The following TBCK variants were observed in gnomAD, a reference collection of about 807,000 sequenced individuals.
TBCK encodes TBC domain-containing protein kinase-like protein.
A neutral mutation model predicts 113.4 loss-of-function variants in TBCK; 99 were observed. The ratio of observed to expected loss-of-function variants is 0.87; its 90% confidence interval spans 0.74 to 1.03. The LOEUF is 1.03. Ranked by LOEUF, TBCK falls within the 50% of genes least tolerant of loss-of-function variation. TBCK has a pLI of 0.00. For synonymous variants in TBCK, 369 were observed against 370.8 expected, an observed-to-expected ratio of 1.00 and a Z score of 0.05; for missense variants, 1,045 against 1,061.3, an observed-to-expected ratio of 0.98 and a Z score of 0.21.
chr4:106,231,857 C>A (rs1758892422), intron 17 of TBCK, 78 bp from the exon 18 acceptor site: 6 of 1,231,722 alleles, frequency 4.9e-6, no homozygotes, highest in South Asian at 2.6e-5. Flanking sequence ...TTATTCAATT[C>A]TTTGCATTAC....
At chr4:106,088,462 A>T (rs1255382337) in intron 25 of TBCK, among the ~76,000 whole-genome samples, 2 of 152,212 alleles carry the variant, frequency 1.3e-5, no homozygotes, top group African/African-American at 2.4e-5. Context: ...ATGCTGCTGA[A>T]GGTGTGGAGA....
At chr4:106,131,763 G>T (rs977137924) in intron 23 of TBCK, among the ~76,000 whole-genome samples, 4 of 152,176 alleles carry the variant, frequency 2.6e-5, no homozygotes, top group African/African-American at 9.7e-5. Flanking sequence ...ATGGAAAAAG[G>T]TGGGAAAGTT....
At chr4:106,050,369 T>C (rs181228835) in intron 25 of TBCK, among the ~76,000 whole-genome samples, 2 of 151,972 alleles carry the variant, frequency 1.3e-5, no homozygotes, top group African/African-American at 2.4e-5. Flanking sequence ...AGAACACTAA[T>C]ACCCAATGCC....
chr4:106,077,469 G>C (rs1560612405), intron 25 of TBCK, among the ~76,000 whole-genome samples: 1 of 152,294 alleles, frequency 6.6e-6, no homozygotes, highest in East Asian at 1.9e-4. Flanking sequence ...AAGGAATGGA[G>C]AAAGATTGAT....
chr4:106,308,812 T>C lies in TBCK; in HGVS notation c.149A>G (p.His50Arg), dbSNP rs1767835847. ...ATCCACATACTGGCAGAGTCTGGGA[T>C]GGGTGATGGTTTTAAGGATTTGAAA... ...GRFQILKTIT[H>R]PRLCQYVDIS... The change falls in exon 2 of 26, where the codon CAT becomes CGT. Residue 50 changes from histidine to arginine, a missense_variant. Coordinates refer to ENST00000394708, the MANE Select transcript of TBCK (RefSeq NM_001163435.3). 6.2e-7 allele frequency: 1 copy of C among 1,614,110 alleles called. No individual in the cohort carries two copies. Among genetic ancestry groups the C allele is most frequent in the Non-Finnish European group, 8.5e-7 (1 of 1,180,006 alleles).
intron 20 of TBCK, among the ~76,000 whole-genome samples, chr4:106,209,071 C>T (rs1755843438): frequency 6.6e-6 from 1 of 152,128 alleles, no homozygotes; most frequent in Admixed American, 6.5e-5. Context: ...GGGCAATGCC[C>T]ACCATGAAGA....
intron 23 of TBCK, among the ~76,000 whole-genome samples, chr4:106,139,519 C>T (rs1281216795): frequency 7.1e-6 from 1 of 141,408 alleles, no homozygotes; most frequent in Admixed American, 7.0e-5. Context: ...TTTTAACACA[C>T]CACAAATCAT....
chr4:106,262,043 G>C, intron 4 of TBCK, 55 bp downstream of exon 4: 1 of 1,015,462 alleles, frequency 9.8e-7, no homozygotes, highest in Non-Finnish European at 1.4e-6. Context: ...CCTGATCCCA[G>C]TTGCTTCCAA....
At chr4:106,281,095 A>G (rs1242431373) in intron 3 of TBCK, among the ~76,000 whole-genome samples, 1 of 151,956 alleles carries the variant, frequency 6.6e-6, no homozygotes, top group African/African-American at 2.4e-5. Context: ...TCTTTATTTC[A>G]TCAGTGTTTT....
At chr4:106,171,402 T>TAAA in intron 22 of TBCK, 132 bp from the exon 23 acceptor site, 5 of 607,746 alleles carry the variant, frequency 8.2e-6, no homozygotes, top group South Asian at 2.5e-5. Flanking sequence ...AAAATGTCAG[T>TAAA]AAAAAAAACA....
In TBCK at chr4:106,193,779, C is replaced by A. The variant is rs1005744488; in HGVS notation, c.1898-9G>T. On this transcript the variant is annotated splice_polypyrimidine_tract_variant and intron_variant, in intron 21 of 25. Coordinates refer to ENST00000394708, the MANE Select transcript of TBCK (RefSeq NM_001163435.3). ...GTGTAGTGGAAATACATCTGTAAAA[C>A]GATAAAAATACAAATAAATTAAAAA... 6 of 1,509,610 alleles carry A rather than the reference C, an allele frequency of 4.0e-6. No individual in the cohort carries two copies. The highest frequency in any genetic ancestry group is 2.6e-5 in the South Asian group (2 of 76,206). 93.5% of individuals were successfully genotyped at this position (1,509,610 alleles called of 1,614,324 possible).
At chr4:106,270,015 A>G (rs1257897043) in intron 3 of TBCK, among the ~76,000 whole-genome samples, 1 of 152,158 alleles carries the variant, frequency 6.6e-6, no homozygotes, top group African/African-American at 2.4e-5. Flanking sequence ...ATGTAACACC[A>G]AACAGAAGCT....
intron 16 of TBCK, 27 bp from the exon 17 acceptor site, chr4:106,233,091 G>A: frequency 6.3e-7 from 1 of 1,596,492 alleles, no homozygotes; most frequent in Non-Finnish European, 8.6e-7. Flanking sequence ...ATAATAAGGT[G>A]AAACAGTAAT....
chr4:106,217,364 C>T (rs544495871), intron 19 of TBCK, among the ~76,000 whole-genome samples: 168 of 152,138 alleles, frequency 1.1e-3, no homozygotes, highest in Non-Finnish European at 1.8e-3. Context: ...GAAGTTCTGG[C>T]CAGGGCAATT....
chr4:106,189,649 A>C (rs764533761), intron 22 of TBCK, among the ~76,000 whole-genome samples: 4 of 152,184 alleles, frequency 2.6e-5, no homozygotes, highest in Non-Finnish European at 4.4e-5. Context: ...AAATGTAGAG[A>C]GATCAGAAAG....
intron 10 of TBCK, among the ~76,000 whole-genome samples, chr4:106,245,819 G>A (rs564767567): frequency 6.6e-6 from 1 of 152,236 alleles, no homozygotes; most frequent in Admixed American, 6.5e-5. Flanking sequence ...CTATGCTGCA[G>A]TACCTTTCTT....
intron 25 of TBCK, among the ~76,000 whole-genome samples, chr4:106,059,878 T>G (rs936169565): frequency 1.3e-5 from 2 of 151,796 alleles, no homozygotes; most frequent in African/African-American, 4.8e-5. Context: ...GCTACTCCAG[T>G]GAACACACAA....
intron 25 of TBCK, among the ~76,000 whole-genome samples, chr4:106,082,985 T>C (rs1739072938): frequency 6.6e-6 from 1 of 152,228 alleles, no homozygotes; most frequent in South Asian, 2.1e-4. Flanking sequence ...TGCGAACCCA[T>C]TCCACCAGGG....
chr4:106,172,516 G>A (rs572931821), intron 22 of TBCK, among the ~76,000 whole-genome samples: 2 of 152,232 alleles, frequency 1.3e-5, no homozygotes, highest in East Asian at 3.9e-4. Context: ...AGTACAAATG[G>A]CATATATTCT....
Sources: gnomAD v4.1 joint callset for allele counts (sites outside exome capture counted in the v4.1 genomes callset) on GRCh38, gnomAD v4.1.1 for gene constraint, MANE v1.5 for transcripts, NCBI Gene and HGNC (gene_info 2026-07-23, HGNC 2026-07-21) for gene names.